TTN: variants seen among roughly 807,000 people sequenced by gnomAD.
TTN encodes titin, also known as connectin.
A neutral mutation model predicts 3,223.0 loss-of-function variants in TTN; 1,525 were observed. The ratio of observed to expected loss-of-function variants is 0.47; its 90% CI spans 0.45 to 0.49. The LOEUF (loss-of-function observed/expected upper bound fraction) is 0.49. Ranked by LOEUF, TTN falls within the 20% of genes least tolerant of loss-of-function variation. TTN has a pLI of 0.00. For missense variants in TTN, 40,786 were observed against 43,424.0 expected (o/e 0.94, Z 5.40); for synonymous variants, 14,094 against 15,161.0 (o/e 0.93, Z 5.17).
At chr2:178,624,404 TTTG>T (rs1359565083) in intron 242 of TTN, 58 bp downstream of exon 242, 11 of 1,600,536 alleles carry the variant, frequency 6.9e-6, no homozygotes, top group Non-Finnish European at 9.4e-6. Flanking sequence ...GTTGTGTTGT[TTTG>T]TTGTTGTAGT....
In TTN at chr2:178,534,516, A is replaced by C; in HGVS notation, c.102099T>G (p.Thr34033=). 6.2e-7 allele frequency: 1 copy of C among 1,613,864 alleles called. No individual in the cohort carries two copies. The highest frequency in any genetic ancestry group is 8.5e-7 in the Non-Finnish European group (1 of 1,179,798). ...IIENIMNAEY[T]FDEEAFKEIS... Reference sequence around the variant, plus strand: ...TCTCTTTGAATGCTTCCTCATCGAAAGTATATTCAGCATTCATGATATTCT... The same window carrying C: ...TCTCTTTGAATGCTTCCTCATCGAACGTATATTCAGCATTCATGATATTCT... The change falls in exon 358 of 363, where the codon ACT becomes ACG. Residue 34033 remains threonine, a synonymous_variant. Coordinates refer to ENST00000589042, the MANE Select transcript of TTN (RefSeq NM_001267550.2).
chr2:178,643,927 T>G (rs866847851), intron 218 of TTN, among the ~76,000 whole-genome samples: 2 of 151,990 alleles, frequency 1.3e-5, no homozygotes, highest in African/African-American at 4.8e-5. Flanking sequence ...TATAATTCAT[T>G]TAGTTTTCTT....
intron 41 of TTN, among the ~76,000 whole-genome samples, 165 bp downstream of exon 41, chr2:178,766,216 C>T (rs1476523822): frequency 6.6e-6 from 1 of 152,094 alleles, no homozygotes; most frequent in East Asian, 1.9e-4. Context: ...TTAACAGCTG[C>T]CCTCCCTTTT....
chr2:178,779,890 T>C, intron 22 of TTN, 110 bp downstream of exon 22: 1 of 1,088,708 alleles, frequency 9.2e-7, no homozygotes, highest in East Asian at 2.5e-5. Flanking sequence ...ACTTGGACCT[T>C]CTAATAGCTG....
intron 40 of TTN, 69 bp downstream of exon 40, chr2:178,767,690 A>G (rs1166746635): frequency 1.3e-6 from 2 of 1,591,896 alleles, no homozygotes; most frequent in Non-Finnish European, 1.7e-6. Flanking sequence ...AAAGGGAAAC[A>G]TTAAAATATA....
At position 178,562,613 on chromosome 2, in the gene TTN, A is replaced by G. The variant is rs752446232; in HGVS notation, c.83519T>C (p.Val27840Ala). The G allele has an allele frequency of 3.7e-6, 6 of 1,610,174 alleles. No individual in the cohort carries two copies. The Admixed American group carries it at 1.0e-4, about 27-fold the overall frequency. Residue 27840 changes from valine to alanine, a missense_variant, in exon 326 of 363, where the codon GTC (valine) becomes GCC (alanine). Coordinates refer to ENST00000589042, the MANE Select transcript of TTN (RefSeq NM_001267550.2). ...LQEGCSYYFR[V>A]LASNEYGIGL... ...AATCCCATATTCATTGGAAGCCAAG[A>G]CTCGGAAGTAGTAAGAACATCCTTC...
At position 178,663,608 on chromosome 2, in the gene TTN, T is replaced by G. The variant is rs10204913; in HGVS notation, c.36532+19A>C. 1.2e-6 allele frequency: 2 copies of G among 1,613,790 alleles called. No homozygotes were observed. The highest frequency in any genetic ancestry group is 2.2e-5 in the East Asian group (1 of 44,872). On this transcript the variant is annotated intron_variant, in intron 171 of 362. Transcript: ENST00000589042. Reference sequence around the variant, plus strand: ...CAGAAGAGATACATCATCTGAAGCCTAAAATCAGTGACAAATACCTTTAAC... The same window carrying G: ...CAGAAGAGATACATCATCTGAAGCCGAAAATCAGTGACAAATACCTTTAAC...
Position 178,621,474 on chromosome 2 carries a change from C to A in TTN, c.45349+1G>T. ...AAGATTATTCACTGTAGTTTTCATA[C>A]CATGTACTTTGACTTTGCCATCGGT... On this transcript the variant is annotated splice_donor_variant, in intron 245 of 362. Coordinates refer to ENST00000589042, the MANE Select transcript of TTN (RefSeq NM_001267550.2). LOFTEE classifies it high-confidence loss of function. The A allele has an allele frequency of 5.0e-6, 8 of 1,612,104 alleles. No individual in the cohort carries two copies. Among genetic ancestry groups the A allele is most frequent in the Non-Finnish European group, 5.9e-6 (7 of 1,178,978 alleles).
intron 152 of TTN, among the ~76,000 whole-genome samples, chr2:178,673,064 A>G (rs2067296612): frequency 6.6e-6 from 1 of 151,684 alleles, no homozygotes; most frequent in South Asian, 2.1e-4. Flanking sequence ...TCTGCTGTGC[A>G]CTCTTCTATT....
chr2:178,638,532 C>T (rs576415796), intron 223 of TTN, among the ~76,000 whole-genome samples: 1 of 150,790 alleles, frequency 6.6e-6, no homozygotes, highest in African/African-American at 2.4e-5. Context: ...GCACATCTCA[C>T]TGTGGAATGT....
Position 178,669,663 on chromosome 2 carries a change from G to T in TTN, c.35399C>A (p.Pro11800His), listed in dbSNP as rs755656287. 2 of 1,612,036 alleles carry T rather than the reference G, an allele frequency of 1.2e-6. No homozygotes were observed. The highest frequency in any genetic ancestry group is 2.2e-5 in the South Asian group (2 of 91,024). ...RVPPTKAPEV[P>H]KKIVPEEKVR... ...TTTTTCTTCTGGGACAATTTTCTTG[G>T]GTACTTCGGGTGCTTTAAAGATATT... The change falls in exon 158 of 363, where the codon CCC becomes CAC. Residue 11800 changes from proline to histidine, a missense_variant. By Grantham distance (77) the Pro-to-His change is moderately conservative. Transcript: ENST00000589042.
chr2:178,722,700 C>CTA lies in TTN; in HGVS notation c.22197_22198dup (p.Ser7400IlefsTer3), dbSNP rs1355143512. ...AGTCTTAGAAGAAGCAGTTCCTATA[C>CTA]TATTTTCTGCTTTGCATGTGTACTC... is the stretch of plus-strand genomic sequence containing the variant. On this transcript the variant is annotated frameshift_variant, in exon 76 of 363. Transcript: ENST00000589042. LOFTEE classifies it high-confidence loss of function. 1 of 1,613,104 alleles carries CTA rather than the reference C, an allele frequency of 6.2e-7. No individual in the cohort carries two copies. The highest frequency in any genetic ancestry group is 1.1e-5 in the South Asian group (1 of 90,992).
chr2:178,726,084 G>C (rs968820780), intron 69 of TTN, 38 bp from the exon 70 acceptor site: 13 of 1,486,980 alleles, frequency 8.7e-6, no homozygotes, highest in Non-Finnish European at 1.1e-5. Flanking sequence ...TTGGGCTACT[G>C]AATTTCACAA....
At chr2:178,672,589 C>G (rs756286788) in intron 153 of TTN, 46 bp downstream of exon 153, 11 of 1,607,902 alleles carry the variant, frequency 6.8e-6, no homozygotes, top group Admixed American at 1.7e-5. Flanking sequence ...AAAGTCTTAA[C>G]GAAAAAAGAC....
In TTN at chr2:178,756,560, G is replaced by T; in HGVS notation, c.10916C>A (p.Ser3639Ter). 1 of 1,611,436 alleles carries T rather than the reference G, an allele frequency of 6.2e-7. No homozygotes were observed. The highest frequency in any genetic ancestry group is 1.7e-5 in the Admixed American group (1 of 59,872). Reference protein sequence around the residue: ...DTQLCHTASLSQIAESTELSK... With the variant: ...DTQLCHTASL ...TAGCTCAGTGCTTTCTGCAATTTGT[G>T]AAAGGGATGCAGTATGGCACAACTG... The change falls in exon 46 of 363, where the codon TCA becomes TAA. Residue 3639 changes from serine (S) to a stop codon, truncating the protein, a stop_gained. Transcript: ENST00000589042. LOFTEE classifies it high-confidence loss of function.
chr2:178,556,787 AAGGTATGCGGAAATACTGAGTTAAAT>A (rs1701684086), intron 330 of TTN, 35 bp downstream of exon 330: 4 of 1,573,998 alleles, frequency 2.5e-6, no homozygotes, highest in Non-Finnish European at 3.5e-6. Flanking sequence ...GAACCAGGAA[AAGGTATGCGGAAATACTGAGTTAAAT>A]AGCAATTTTG....
intron 231 of TTN, 27 bp downstream of exon 231, chr2:178,633,790 T>C (rs955490161): frequency 6.2e-7 from 1 of 1,609,930 alleles, no homozygotes; most frequent in African/African-American, 1.3e-5. Flanking sequence ...AGAAACTGGC[T>C]ATCTGGTTAT....
chr2:178,568,765 T>A lies in TTN; in HGVS notation c.77367A>T (p.Ile25789=). 6.2e-7 allele frequency: 1 copy of A among 1,613,008 alleles called. No homozygotes were observed. The highest frequency in any genetic ancestry group is 8.5e-7 in the Non-Finnish European group (1 of 1,179,336). ...GCTCAATTACCAGATCTTTGGCAAC[T>A]ATTGGAACTGCAAGGGACCGAGGAT... is the stretch of plus-strand genomic sequence containing the variant. The part of the protein sequence containing the change: ...RSDPRSLAVP[I]VAKDLVIEPD... Residue 25789 remains isoleucine (I), a synonymous_variant, in exon 326 of 363, where the codon ATA becomes ATT. Coordinates refer to ENST00000589042, the MANE Select transcript of TTN (RefSeq NM_001267550.2).
Position 178,584,471 on chromosome 2 carries a change from A to G in TTN, c.65080T>C (p.Tyr21694His), listed in dbSNP as rs369058733. The G allele has an allele frequency of 5.6e-6, 9 of 1,613,126 alleles. No individual in the cohort carries two copies. Among genetic ancestry groups the G allele is most frequent in the African/African-American group, 5.3e-5 (4 of 74,846 alleles). Residue 21694 changes from tyrosine to histidine, a missense_variant, in exon 311 of 363, where the codon TAT becomes CAT. Coordinates refer to ENST00000589042, the MANE Select transcript of TTN (RefSeq NM_001267550.2). ...DSDGGSPIIG[Y>H]LIERKERNSL... is the part of the protein sequence containing the mutation. ...TTTCTTTCCTTGCGTTCAATCAGAT[A>G]ACCAATAATGGGGCTCCCTCCATCA...
Sources: allele counts gnomAD v4.1 joint callset (sites outside exome capture counted in the v4.1 genomes callset), GRCh38; gene constraint gnomAD v4.1.1; transcripts MANE v1.5; gene names NCBI Gene and HGNC (gene_info 2026-07-23, HGNC 2026-07-21).